ATP10B: variants seen among roughly 807,000 people sequenced by gnomAD.
The protein encoded by ATP10B is phospholipid-transporting ATPase VB.
A neutral mutation model predicts 141.2 loss-of-function variants in ATP10B; 122 were observed. That is an observed-to-expected ratio of 0.86 (90% CI 0.75 to 1.00). The LOEUF is 1.00. Among genes scored for constraint, ATP10B ranks in the 50% least tolerant of loss-of-function variants. The probability of loss-of-function intolerance (pLI) is 0.00; values close to 1 mark genes in which losing one functional copy is unlikely to be tolerated. For missense variants in ATP10B, 1,876 were observed against 1,825.3 expected, an observed-to-expected ratio of 1.03 and a Z score of -0.51; for synonymous variants, 685 against 692.0, an observed-to-expected ratio of 0.99 and a Z score of 0.16.
intron 2 of ATP10B, among the ~76,000 whole-genome samples, chr5:160,756,324 T>A (rs1283394994): frequency 6.6e-6 from 1 of 152,248 alleles, no homozygotes; most frequent in Non-Finnish European, 1.5e-5. Context: ...TAAATAAAGC[T>A]ACTCTGAACG....
chr5:160,867,821 A>G, the ATP10B span, among the ~76,000 whole-genome samples: 40 of 152,302 alleles, frequency 2.6e-4, no homozygotes, highest in African/African-American at 8.9e-4. Context: ...TTATAAGAAT[A>G]TAGGAAAAAA....
intron 1 of ATP10B, among the ~76,000 whole-genome samples, chr5:160,808,324 A>G (rs1772924468): frequency 1.3e-5 from 2 of 152,214 alleles, no homozygotes; most frequent in South Asian, 4.1e-4. Context: ...ATCCCCGGAA[A>G]TGGTGATTGT....
chr5:160,781,337 T>C lies in ATP10B; in HGVS notation c.-331+4222A>G, dbSNP rs115866045. 2.4e-3 allele frequency among the ~76,000 whole-genome samples: 358 copies of C among 152,248 alleles called. 1 individual carries two copies. The highest frequency in any genetic ancestry group is 8.3e-3 in the African/African-American group (347 of 41,566). On this transcript the variant is annotated intron_variant, in intron 2 of 25. Coordinates refer to ENST00000327245, the MANE Select transcript of ATP10B (RefSeq NM_025153.3). Reference sequence around the variant, plus strand: ...TTGAATTGCCAAATAGCAATCGCCCTTTTGCCTTGGGGATGTTTGAAAGAT... The same window carrying C: ...TTGAATTGCCAAATAGCAATCGCCCCTTTGCCTTGGGGATGTTTGAAAGAT...
chr5:160,606,640 C>T (rs1394814972), intron 19 of ATP10B, 125 bp downstream of exon 19: 2 of 931,136 alleles, frequency 2.1e-6, no homozygotes, highest in African/African-American at 3.3e-5. Context: ...TGAACTCTCT[C>T]CCTCTAAGAC....
At chr5:160,912,637 G>C in the ATP10B span, among the ~76,000 whole-genome samples, 12 of 137,372 alleles carry the variant, frequency 8.7e-5, no homozygotes, top group Non-Finnish European at 1.3e-4. Flanking sequence ...GAAAAGAAAA[G>C]GAGTAAAGAG....
At chr5:160,820,028 T>A (rs1327110462) in intron 1 of ATP10B, among the ~76,000 whole-genome samples, 1 of 150,652 alleles carries the variant, frequency 6.6e-6, no homozygotes, top group African/African-American at 2.4e-5. Context: ...ATAATAAGGA[T>A]CAGAGCAGAA....
chr5:160,592,310 T>C (rs1215163349), intron 22 of ATP10B, among the ~76,000 whole-genome samples: 1 of 152,186 alleles, frequency 6.6e-6, no homozygotes, highest in Non-Finnish European at 1.5e-5. Context: ...GGGGGTTCTA[T>C]AGATGCATCT....
intron 1 of ATP10B, among the ~76,000 whole-genome samples, chr5:160,807,622 A>G (rs1772867154): frequency 6.6e-6 from 1 of 152,226 alleles, no homozygotes; most frequent in African/African-American, 2.4e-5. Context: ...AAAATTGAGA[A>G]ACTGATGGAG....
intron 2 of ATP10B, among the ~76,000 whole-genome samples, chr5:160,726,153 C>T (rs1766340530): frequency 6.6e-6 from 1 of 152,104 alleles, no homozygotes; most frequent in African/African-American, 2.4e-5. Context: ...TAAGACGTTG[C>T]TTCATAACAT....
chr5:160,602,867 C>T (rs1757172243), intron 20 of ATP10B, 165 bp from the exon 21 acceptor site: 4 of 796,070 alleles, frequency 5.0e-6, no homozygotes, highest in Non-Finnish European at 7.6e-6. Context: ...ACACCCCACC[C>T]TCCCTTCTGG....
chr5:160,750,259 G>A (rs1402887488), intron 2 of ATP10B, among the ~76,000 whole-genome samples: 1 of 152,086 alleles, frequency 6.6e-6, no homozygotes. Context: ...CTCTGGACAT[G>A]CCCATACACA....
At chr5:160,674,897 A>T (rs1023911648) in intron 6 of ATP10B, among the ~76,000 whole-genome samples, 21 of 152,136 alleles carry the variant, frequency 1.4e-4, no homozygotes, top group African/African-American at 5.1e-4. Context: ...AATTTTGGGG[A>T]TTAAAAAATG....
At chr5:160,589,560 T>C (rs780672513) in intron 24 of ATP10B, 32 bp downstream of exon 24, 3 of 1,555,732 alleles carry the variant, frequency 1.9e-6, no homozygotes, top group Admixed American at 3.3e-5. Context: ...AGGAGCACAG[T>C]TTTGAAGCCA....
intron 3 of ATP10B, among the ~76,000 whole-genome samples, chr5:160,693,585 C>T (rs555713763): frequency 1.7e-4 from 26 of 152,158 alleles, no homozygotes; most frequent in African/African-American, 5.8e-4. Flanking sequence ...GTTCCAGAAA[C>T]GGGAAGAAGT....
chr5:160,793,319 T>A (rs1021454196), intron 1 of ATP10B, among the ~76,000 whole-genome samples: 4 of 152,208 alleles, frequency 2.6e-5, no homozygotes, highest in African/African-American at 7.2e-5. Context: ...ATTTTTATTT[T>A]AATATGTTCC....
chr5:160,856,443 C>A (rs539485168), upstream of ATP10B, among the ~76,000 whole-genome samples: 1 of 151,866 alleles, frequency 6.6e-6, no homozygotes, highest in East Asian at 1.9e-4. Context: ...ATCATGTCAC[C>A]TGCAAATAGA....
chr5:160,644,280 G>C, intron 8 of ATP10B, 36 bp from the exon 9 acceptor site: 1 of 1,523,952 alleles, frequency 6.6e-7, no homozygotes, highest in South Asian at 1.1e-5. Context: ...GGGTGGTTTG[G>C]TGGCCTTTCC....
At chr5:160,590,306 G>A (rs1044280056) in intron 23 of ATP10B, among the ~76,000 whole-genome samples, 6 of 151,936 alleles carry the variant, frequency 3.9e-5, no homozygotes, top group East Asian at 1.9e-4. Flanking sequence ...GGCCAGGGAG[G>A]GTATTGTAAG....
intron 2 of ATP10B, among the ~76,000 whole-genome samples, chr5:160,761,123 C>T (rs1382317856): frequency 6.6e-6 from 1 of 152,134 alleles, no homozygotes; most frequent in Non-Finnish European, 1.5e-5. Flanking sequence ...AGAACAGAAC[C>T]ACCCTCCTCC....
Sources: allele counts gnomAD v4.1 joint callset (sites outside exome capture counted in the v4.1 genomes callset), GRCh38; gene constraint gnomAD v4.1.1; transcripts MANE v1.5; gene names NCBI Gene and HGNC (gene_info 2026-07-23, HGNC 2026-07-21).